The following OR6N1 variants were observed in gnomAD, a reference collection of about 807,000 sequenced individuals.
The protein encoded by OR6N1 is olfactory receptor 6N1.
For synonymous variants in OR6N1, 170 were observed against 150.7 expected (o/e 1.13, Z -0.94); for missense variants, 394 against 371.7 (o/e 1.06, Z -0.49).
chr1:158,812,501 C>G, the OR6N1 span, among the ~76,000 whole-genome samples: 2 of 152,146 alleles, frequency 1.3e-5, no homozygotes, highest in Non-Finnish European at 2.9e-5. Flanking sequence ...AAGAATGAGG[C>G]CTTCTGCCTC....
At chr1:158,813,420 G>A in the OR6N1 span, among the ~76,000 whole-genome samples, 1 of 152,042 alleles carries the variant, frequency 6.6e-6, no homozygotes, top group Non-Finnish European at 1.5e-5. Flanking sequence ...ACAAACAACG[G>A]AAAACCACAG....
chr1:158,829,671 G>A, the OR6N1 span, among the ~76,000 whole-genome samples: 1 of 152,150 alleles, frequency 6.6e-6, no homozygotes, highest in Non-Finnish European at 1.5e-5. Flanking sequence ...CAGTTTTAAA[G>A]TTGCTTCCAC....
At chr1:158,829,319 C>T in the OR6N1 span, among the ~76,000 whole-genome samples, 1 of 152,154 alleles carries the variant, frequency 6.6e-6, no homozygotes. Flanking sequence ...AACTGAATGC[C>T]TTTAACAGCA....
At chr1:158,781,113 A>C in the OR6N1 span, 1 of 152,238 alleles carries the variant, frequency 6.6e-6, no homozygotes, top group Non-Finnish European at 1.5e-5. Flanking sequence ...CCTTATTATC[A>C]GTCCCACCTT....
the OR6N1 span, among the ~76,000 whole-genome samples, chr1:158,826,076 T>C: frequency 1.3e-5 from 2 of 151,214 alleles, no homozygotes; most frequent in Non-Finnish European, 2.9e-5. Context: ...TGAGAAGACA[T>C]GGACCCAAAG....
the OR6N1 span, among the ~76,000 whole-genome samples, chr1:158,794,994 G>A: frequency 9.2e-5 from 14 of 152,126 alleles, no homozygotes; most frequent in South Asian, 4.1e-4. Flanking sequence ...ATAGTGTTAC[G>A]CTACCAAGGT....
At chr1:158,795,975 A>C in the OR6N1 span, 2 of 152,224 alleles carry the variant, frequency 1.3e-5, no homozygotes, top group Non-Finnish European at 2.9e-5. Context: ...GAATCACGTT[A>C]ACAATGCCTT....
chr1:158,819,094 C>T, the OR6N1 span, among the ~76,000 whole-genome samples: 1 of 152,144 alleles, frequency 6.6e-6, no homozygotes, highest in South Asian at 2.1e-4. Flanking sequence ...GATTCACAGC[C>T]ACAACTTCTG....
the OR6N1 span, among the ~76,000 whole-genome samples, chr1:158,811,935 A>G: frequency 1.3e-5 from 2 of 152,298 alleles, no homozygotes; most frequent in Admixed American, 1.3e-4. Context: ...TGAGTAAAAA[A>G]CTATCCAGGT....
the OR6N1 span, among the ~76,000 whole-genome samples, chr1:158,802,489 G>A: frequency 4.9e-4 from 75 of 152,116 alleles, 1 homozygote; most frequent in African/African-American, 1.5e-3. Context: ...TTCATGAGAA[G>A]AGACAATCCA....
the OR6N1 span, among the ~76,000 whole-genome samples, chr1:158,793,123 T>C: frequency 1.1e-3 from 160 of 152,168 alleles, 1 homozygote; most frequent in African/African-American, 3.6e-3. Flanking sequence ...GAAGTTCTCA[T>C]TGTTTTTCCT....
chr1:158,826,558 T>C, the OR6N1 span, among the ~76,000 whole-genome samples: 1 of 152,116 alleles, frequency 6.6e-6, no homozygotes, highest in South Asian at 2.1e-4. Flanking sequence ...GATGTTTCAA[T>C]ACAGAGGGGG....
At chr1:158,817,736 G>C in the OR6N1 span, among the ~76,000 whole-genome samples, 1 of 152,166 alleles carries the variant, frequency 6.6e-6, no homozygotes, top group Non-Finnish European at 1.5e-5. Flanking sequence ...ATACAGTCTA[G>C]TGCCCCCAAG....
chr1:158,806,426 G>T, the OR6N1 span, among the ~76,000 whole-genome samples: 20 of 152,312 alleles, frequency 1.3e-4, 1 homozygote, highest in Admixed American at 1.3e-3. Context: ...GGAAAACTCT[G>T]AAGTAACAAT....
chr1:158,813,906 C>T, the OR6N1 span, among the ~76,000 whole-genome samples: 1 of 151,840 alleles, frequency 6.6e-6, no homozygotes, highest in African/African-American at 2.4e-5. Flanking sequence ...CACCATGTTG[C>T]CCAGGCTGGT....
At position 158,766,555 on chromosome 1, in the gene OR6N1, A is replaced by C; in HGVS notation, c.128T>G (p.Leu43Arg). The change falls in exon 2 of 2, where the codon CTG (leucine) becomes CGG (arginine). Residue 43 changes from leucine (L) to arginine (R), a missense_variant. Transcript: ENST00000641846. ...LIYLMTVLGN[L>R]LIFLVVCLDS... ...CAGGCAGACCACCAGGAATATCAGCAGGTTTCCCAACACAGTCATGAGGTA... is the reference window on the plus strand; with the variant it reads ...CAGGCAGACCACCAGGAATATCAGCCGGTTTCCCAACACAGTCATGAGGTA... The C allele has an allele frequency of 6.2e-7, 1 of 1,614,140 alleles. No homozygotes were observed. The highest frequency in any genetic ancestry group is 8.5e-7 in the Non-Finnish European group (1 of 1,180,022).
At chr1:158,792,153 T>C in the OR6N1 span, among the ~76,000 whole-genome samples, 2 of 152,198 alleles carry the variant, frequency 1.3e-5, no homozygotes, top group African/African-American at 4.8e-5. Context: ...TATAGTAACC[T>C]TCTTTGTATT....
the OR6N1 span, among the ~76,000 whole-genome samples, chr1:158,806,086 G>C: frequency 3.9e-5 from 6 of 151,998 alleles, no homozygotes; most frequent in Admixed American, 1.3e-4. Flanking sequence ...GCCACCACAG[G>C]GAAAAAAGAG....
chr1:158,836,605 CCTT>C, the OR6N1 span, among the ~76,000 whole-genome samples: 7 of 151,674 alleles, frequency 4.6e-5, no homozygotes, highest in Non-Finnish European at 7.4e-5. Flanking sequence ...ATTTGAGTCT[CCTT>C]CTTTTTCTTC....
Sources: gnomAD v4.1 joint callset for allele counts (sites outside exome capture counted in the v4.1 genomes callset) on GRCh38, gnomAD v4.1.1 for gene constraint, MANE v1.5 for transcripts, NCBI Gene and HGNC (gene_info 2026-07-23, HGNC 2026-07-21) for gene names.